The following ARHGDIG variants were observed in gnomAD, a reference collection of about 807,000 sequenced individuals.
ARHGDIG encodes Rho GDP dissociation inhibitor gamma, also known as rho GDP-dissociation inhibitor 3.
Under a neutral mutation model 20.2 loss-of-function variants are expected in ARHGDIG, and 14 were observed. That is an observed-to-expected ratio of 0.69 (90% CI 0.46 to 1.08). The LOEUF (loss-of-function observed/expected upper bound fraction) is 1.08, where lower values mean the gene tolerates loss of function less well. ARHGDIG is among the 50% of genes least tolerant of loss of function. ARHGDIG has a pLI of 0.00. For synonymous variants in ARHGDIG, 193 were observed against 138.6 expected (o/e 1.39, Z -2.76); for missense variants, 311 against 301.8 (o/e 1.03, Z -0.23).
rs894566263 is a variant in ARHGDIG at position 281,914 on chromosome 16, C to T, written c.242C>T (p.Pro81Leu). 11 of 1,605,124 alleles carry T rather than the reference C, an allele frequency of 6.9e-6. No individual in the cohort carries two copies. Among genetic ancestry groups the T allele is most frequent in the African/African-American group, 5.4e-5 (4 of 74,708 alleles). ...KYKRVLLGPL[P>L]PAVDPSLPNV... The stretch of plus-strand genomic sequence containing the variant: ...AAGCGGGTGCTGCTGGGGCCCCTGC[C>T]ACCGGCCGTGGGTATGGCAGGGGTC... The change falls in exon 2 of 6, where the codon CCA (proline) becomes CTA (leucine). Residue 81 changes from proline to leucine, a missense_variant. Physicochemically the swap from Pro to Leu is moderately conservative, Grantham distance 98. Coordinates refer to ENST00000219409, the MANE Select transcript of ARHGDIG (RefSeq NM_001176.4).
chr16:281,610 C>A, intron 1 of ARHGDIG, 136 bp from the exon 2 acceptor site: 1 of 1,084,278 alleles, frequency 9.2e-7, no homozygotes, highest in Non-Finnish European at 1.3e-6. Context: ...TGCTCGCTCT[C>A]TCCCTGAGCC....
Position 282,279 on chromosome 16 carries a change from C to T in ARHGDIG, c.338-18C>T, listed in dbSNP as rs574851094. On this transcript the variant is annotated intron_variant, in intron 3 of 5. Transcript: ENST00000219409. ...GCCTGTAGGGGAGTTCCGACCCTAG[C>T]TGAGGTTTCCCCAATAGGGGACCTG... 1 of 1,613,066 alleles carries T rather than the reference C, an allele frequency of 6.2e-7. No individual in the cohort carries two copies. Among genetic ancestry groups the T allele is most frequent in the Non-Finnish European group, 8.5e-7 (1 of 1,179,946 alleles).
chr16:281,154 GC>G (rs1173809345), intron 1 of ARHGDIG: 1 of 153,994 alleles, frequency 6.5e-6, no homozygotes, highest in African/African-American at 2.4e-5. Context: ...AGCCCGGGGC[GC>G]CATGGGAGGC....
rs780763784 is a variant in ARHGDIG, at chr16:282,535, G to A, written c.478+5G>A. 1 of 1,586,652 alleles carries A rather than the reference G, an allele frequency of 6.3e-7. No homozygotes were observed. The highest frequency in any genetic ancestry group is 8.5e-7 in the Non-Finnish European group (1 of 1,170,358). On this transcript the variant is annotated splice_donor_5th_base_variant and intron_variant, in intron 5 of 5. Coordinates refer to ENST00000219409, the MANE Select transcript of ARHGDIG (RefSeq NM_001176.4). ...CCTACCGCCGGGGCCTGCGCGGTGAGGGCAGCGGTGGGGGGAACGGGGCGG... is the reference window on the plus strand; with the variant it reads ...CCTACCGCCGGGGCCTGCGCGGTGAAGGCAGCGGTGGGGGGAACGGGGCGG...
At chr16:282,427 G>A in intron 4 of ARHGDIG, 40 bp from the exon 5 acceptor site, 2 of 1,612,126 alleles carry the variant, frequency 1.2e-6, no homozygotes, top group South Asian at 2.2e-5. Flanking sequence ...ACAGCCAGAG[G>A]CCTGGCCCCC....
At chr16:281,688 G>C in intron 1 of ARHGDIG, 58 bp from the exon 2 acceptor site, 1 of 1,492,498 alleles carries the variant, frequency 6.7e-7, no homozygotes, top group Non-Finnish European at 8.9e-7. Flanking sequence ...GCTCCAGCCT[G>C]GTGCTCGAAT....
In ARHGDIG at chr16:282,946, G is replaced by T; in HGVS notation, c.*132G>T. 1 of 937,800 alleles carries T rather than the reference G, an allele frequency of 1.1e-6. No individual in the cohort carries two copies. Among genetic ancestry groups the T allele is most frequent in the Non-Finnish European group, 1.4e-6 (1 of 710,126 alleles). 58.1% of individuals were successfully genotyped at this position (937,800 alleles called of 1,614,324 possible). On this transcript the variant is annotated 3_prime_UTR_variant, in exon 6 of 6. Coordinates refer to ENST00000219409, the MANE Select transcript of ARHGDIG (RefSeq NM_001176.4). The stretch of plus-strand genomic sequence containing the variant: ...GCCCCTGCTGCCCCTGCTCTGTCCC[G>T]GGACCCCCTGGCCTGGCGCTGTCCC...
At chr16:281,555 G>GGT (rs1356674142) in intron 1 of ARHGDIG, 191 bp from the exon 2 acceptor site, 1 of 611,772 alleles carries the variant, frequency 1.6e-6, no homozygotes, top group Non-Finnish European at 2.8e-6. Flanking sequence ...CCCTCCTGAA[G>GGT]GTCTGGGTGC....
rs777046495 is a variant in ARHGDIG, at chr16:281,918, G to C, written c.246G>C (p.Pro82=). ...GGGTGCTGCTGGGGCCCCTGCCACCGGCCGTGGGTATGGCAGGGGTCTAGG... is the reference window on the plus strand; with the variant it reads ...GGGTGCTGCTGGGGCCCCTGCCACCCGCCGTGGGTATGGCAGGGGTCTAGG... The part of the protein sequence containing the change: ...YKRVLLGPLP[P]AVDPSLPNVQ... The change falls in exon 2 of 6, where the codon CCG becomes CCC. Residue 82 remains proline, a synonymous_variant. Transcript: ENST00000219409. 6.2e-7 allele frequency: 1 copy of C among 1,604,974 alleles called. No homozygotes were observed. Among genetic ancestry groups the C allele is most frequent in the East Asian group, 2.2e-5 (1 of 44,788 alleles).
Position 280,937 on chromosome 16 carries a change from C to A in ARHGDIG, c.73+184C>A. ...AGCCCTGTGGGGAAGGGACCAGGTGCGGACGGGTCGGCTTGGGAAGCGGCG... is the reference window on the plus strand; with the variant it reads ...AGCCCTGTGGGGAAGGGACCAGGTGAGGACGGGTCGGCTTGGGAAGCGGCG... On this transcript the variant is annotated intron_variant, in intron 1 of 5. Transcript: ENST00000219409. The surrounding 1 kb of genome is among the most constrained non-coding windows in gnomAD (Gnocchi z 6.6). 3.7e-6 allele frequency: 1 copy of A among 271,380 alleles called. No individual in the cohort carries two copies. The highest frequency in any genetic ancestry group is 7.0e-6 in the Non-Finnish European group (1 of 143,204). The allele number at this position is 271,380 out of a possible 1,614,324, so 16.8% of individuals were successfully genotyped here. A position where few individuals can be genotyped will look rare whatever the true frequency, so the allele number is the denominator to read the frequency against.
In ARHGDIG at chr16:281,787, GAGGTGTTGGATGAGGCTGTGC is replaced by G; in HGVS notation, c.116_136del (p.Glu39_Pro46delinsAla). ...GGAGGGTGGGCCGCCGGCAGTGGACGAGGTGTTGGATGAGGCTGTGCCCGAGTACCGGGCGCCGGGGAGGAA... is the reference window on the plus strand; with the variant it reads ...GGAGGGTGGGCCGCCGGCAGTGGACGCCGAGTACCGGGCGCCGGGGAGGAA... On this transcript the variant is annotated inframe_deletion, in exon 2 of 6. Coordinates refer to ENST00000219409, the MANE Select transcript of ARHGDIG (RefSeq NM_001176.4). The G allele has an allele frequency of 6.2e-7, 1 of 1,609,898 alleles. No individual in the cohort carries two copies. Among genetic ancestry groups the G allele is most frequent in the Admixed American group, 1.7e-5 (1 of 59,864 alleles).
At chr16:281,352 G>A (rs1017145776) in intron 1 of ARHGDIG, 1 of 189,420 alleles carries the variant, frequency 5.3e-6, no homozygotes, top group East Asian at 1.5e-4. Flanking sequence ...AGGTTTGGGG[G>A]CCGCCGAGGG....
At chr16:281,554 A>C in intron 1 of ARHGDIG, 192 bp from the exon 2 acceptor site, 1 of 597,574 alleles carries the variant, frequency 1.7e-6, no homozygotes, top group East Asian at 2.9e-5. Flanking sequence ...CCCCTCCTGA[A>C]GGTCTGGGTG....
intron 1 of ARHGDIG, chr16:281,094 T>A (rs115448555): frequency 0.012 from 1,955 of 158,242 alleles, 44 homozygotes; most frequent in African/African-American, 0.044. Context: ...GGGCAGGGAC[T>A]CAGAAACCCC....
intron 3 of ARHGDIG, 47 bp from the exon 4 acceptor site, chr16:282,250 C>G (rs772551912): frequency 1.9e-6 from 3 of 1,611,348 alleles, no homozygotes; most frequent in Non-Finnish European, 2.5e-6. Flanking sequence ...TGGAGCAGGT[C>G]TCAGCCTGTA....
Position 282,936 on chromosome 16 carries a change from G to A in ARHGDIG, c.*122G>A. The A allele has an allele frequency of 9.1e-7, 1 of 1,098,004 alleles. No individual in the cohort carries two copies. The highest frequency in any genetic ancestry group is 1.2e-6 in the Non-Finnish European group (1 of 822,578). The allele number at this position is 1,098,004 out of a possible 1,614,324, so 68.0% of individuals were successfully genotyped here. On this transcript the variant is annotated 3_prime_UTR_variant, in exon 6 of 6. Coordinates refer to ENST00000219409, the MANE Select transcript of ARHGDIG (RefSeq NM_001176.4). The stretch of plus-strand genomic sequence containing the variant: ...TGCCCCTGCTGCCCCTGCTGCCCCT[G>A]CTCTGTCCCGGGACCCCCTGGCCTG...
chr16:282,796 C>T lies in ARHGDIG; in HGVS notation c.660C>T (p.Cys220=), dbSNP rs1300805175. The T allele has an allele frequency of 1.2e-6, 2 of 1,605,200 alleles. No individual in the cohort carries two copies. The highest frequency in any genetic ancestry group is 1.7e-6 in the Non-Finnish European group (2 of 1,177,602). ...HLSWEWGLCI[C]QDWKD is the part of the protein sequence containing the mutation. ...CCTGGGAGTGGGGTCTCTGCATCTG[C>T]CAGGACTGGAAGGACTGAACCCCCA... The change falls in exon 6 of 6, where the codon TGC becomes TGT. Residue 220 remains cysteine (C), a synonymous_variant. Transcript: ENST00000219409.
chr16:282,464 C>T lies in ARHGDIG; in HGVS notation c.415-3C>T, dbSNP rs757331123. 1 of 1,611,782 alleles carries T rather than the reference C, an allele frequency of 6.2e-7. No homozygotes were observed. Among genetic ancestry groups the T allele is most frequent in the Admixed American group, 1.7e-5 (1 of 59,904 alleles). ...GAGGAACCCCTAATGCCTCTGTTCC[C>T]AGGTCCACAGGGAGATTGTCAGCGG... is the stretch of plus-strand genomic sequence containing the variant. On this transcript the variant is annotated splice_region_variant and splice_polypyrimidine_tract_variant and intron_variant, in intron 4 of 5. Coordinates refer to ENST00000219409, the MANE Select transcript of ARHGDIG (RefSeq NM_001176.4).
At position 280,646 on chromosome 16, in the gene ARHGDIG, T is replaced by G. The variant is rs903242032; in HGVS notation, c.-35T>G. 148 of 851,160 alleles carry G rather than the reference T, an allele frequency of 1.7e-4. No homozygotes were observed. The Admixed American group carries it at 2.4e-3, about 14-fold the overall frequency. 52.7% of individuals were successfully genotyped at this position (851,160 alleles called of 1,614,324 possible). On this transcript the variant is annotated 5_prime_UTR_variant, in exon 1 of 6. Transcript: ENST00000219409. This position sits in a 1 kb window ranked among gnomAD's most constrained non-coding sequence, Gnocchi z 6.6. The stretch of plus-strand genomic sequence containing the variant: ...CGGCGGCGGGGCGGGCGGCGGCTCC[T>G]CGGCGGCTCCGCGGCGCCCGGGCCG...
Sources: gnomAD v4.1 joint callset for allele counts on GRCh38, gnomAD v4.1.1 for gene constraint, Gnocchi (gnomAD v3.1) non-coding constraint, MANE v1.5 for transcripts, NCBI Gene and HGNC (gene_info 2026-07-23, HGNC 2026-07-21) for gene names.